The following DNAH10 variants were observed in gnomAD, a reference collection of about 807,000 sequenced individuals.
The protein encoded by DNAH10 is axonemal beta dynein heavy chain 10.
DNAH10 carries 348 observed loss-of-function variants against 506.6 expected under a neutral mutation model. The observed-to-expected ratio is 0.69, with a 90% CI of 0.63 to 0.75. DNAH10 has a LOEUF of 0.75. Among genes scored for constraint, DNAH10 ranks in the 30% least tolerant of loss-of-function variants. The pLI is 0.00. For missense variants in DNAH10, 5,179 were observed against 5,787.1 expected, an observed-to-expected ratio of 0.89 and a Z score of 3.41; for synonymous variants, 2,059 against 2,198.6, an observed-to-expected ratio of 0.94 and a Z score of 1.78.
rs539033541 is a variant in DNAH10 at position 123,870,678 on chromosome 12, T to C, written c.7639+193T>C. ...TGGCCGCTTTGGTATTTTTGTCAGCTGCTGGCTCTGAGCATCTTCCGTGGC... is the reference window on the plus strand; with the variant it reads ...TGGCCGCTTTGGTATTTTTGTCAGCCGCTGGCTCTGAGCATCTTCCGTGGC... On this transcript the variant is annotated intron_variant, in intron 44 of 78. Coordinates refer to ENST00000673944, the MANE Select transcript of DNAH10 (RefSeq NM_001372106.1). 2.6e-5 allele frequency among the ~76,000 whole-genome samples: 4 copies of C among 152,182 alleles called. No homozygotes were observed. In the South Asian group the frequency reaches 8.3e-4, roughly 32 times the overall value.
chr12:123,885,357 A>C (rs1180082139), intron 51 of DNAH10, among the ~76,000 whole-genome samples: 8 of 152,202 alleles, frequency 5.3e-5, no homozygotes, highest in Non-Finnish European at 1.5e-5. Flanking sequence ...TATTGTTTGG[A>C]TATGCCACAC....
Position 123,925,410 on chromosome 12 carries a change from T to C in DNAH10, c.11921+206T>C. The C allele has an allele frequency of 1.7e-6, 1 of 576,526 alleles. No individual in the cohort carries two copies. The allele number at this position is 576,526 out of a possible 1,614,324, so 35.7% of individuals were successfully genotyped here. A position where few individuals can be genotyped will look rare whatever the true frequency, so the allele number is the denominator to read the frequency against. ...CATAAGAAATTCAGTGTGAGCCACATATGCAGTTTCGAAAGTTCTAGTAGC... is the reference window on the plus strand; with the variant it reads ...CATAAGAAATTCAGTGTGAGCCACACATGCAGTTTCGAAAGTTCTAGTAGC... On this transcript the variant is annotated intron_variant, in intron 68 of 78. Transcript: ENST00000673944. This position sits in a 1 kb window ranked among gnomAD's most constrained non-coding sequence, Gnocchi z 4.0.
rs146867703 is a variant in DNAH10, at chr12:123,770,615, C to A, written c.299-986C>A. ...CCCTTACCCGTGCTGTCATTTAGTC[C>A]TCCAGAATTTGGCTGGTAGATGTTA... On this transcript the variant is annotated intron_variant, in intron 2 of 78. Transcript: ENST00000673944. 6.1e-4 allele frequency among the ~76,000 whole-genome samples: 93 copies of A among 151,842 alleles called. 1 individual carries two copies. The highest frequency in any genetic ancestry group is 2.1e-3 in the African/African-American group (87 of 41,410).
intron 30 of DNAH10, 99 bp downstream of exon 30, chr12:123,841,644 A>T: frequency 8.1e-7 from 1 of 1,235,264 alleles, no homozygotes; most frequent in Non-Finnish European, 1.1e-6. Context: ...ATTCCAAATG[A>T]GGTTTTGTTT....
chr12:123,831,408 G>A (rs1960529391), intron 26 of DNAH10, among the ~76,000 whole-genome samples: 1 of 152,138 alleles, frequency 6.6e-6, no homozygotes, highest in African/African-American at 2.4e-5. Context: ...TAATGGCAGG[G>A]ACACATTCTG....
intron 21 of DNAH10, among the ~76,000 whole-genome samples, chr12:123,816,827 A>G (rs1959160141): frequency 6.6e-6 from 1 of 152,212 alleles, no homozygotes; most frequent in Non-Finnish European, 1.5e-5. Flanking sequence ...TTGCTGGGTT[A>G]CAGGAATCCA....
chr12:123,775,296 A>G (rs541541458), intron 5 of DNAH10, among the ~76,000 whole-genome samples: 2 of 152,146 alleles, frequency 1.3e-5, no homozygotes, highest in East Asian at 3.9e-4. Context: ...TATTGTAGAG[A>G]CAGGGTCTCA....
chr12:123,879,283 A>C lies in DNAH10; in HGVS notation c.8392A>C (p.Met2798Leu). The C allele has an allele frequency of 6.3e-7, 1 of 1,578,120 alleles. No homozygotes were observed. The highest frequency in any genetic ancestry group is 8.6e-7 in the Non-Finnish European group (1 of 1,161,308). The change falls in exon 49 of 79, where the codon ATG becomes CTG. Residue 2798 changes from methionine (M) to leucine (L), a missense_variant. By Grantham distance (15) the Met-to-Leu change is conservative. Transcript: ENST00000673944. ...CTGCAGATTCCAGACGGTGGCCCAG[A>C]TGGTGAGAGTCTGGAGGAATGAGTG... ...NPERFQTVAQ[M>L]VRVWRNECLR... is the part of the protein sequence containing the mutation.
intron 29 of DNAH10, among the ~76,000 whole-genome samples, chr12:123,840,516 C>T (rs542835991): frequency 1.3e-5 from 2 of 151,172 alleles, no homozygotes; most frequent in South Asian, 2.1e-4. Flanking sequence ...GCAATCCACC[C>T]GCCTCAGCCT....
chr12:123,846,243 A>G lies in DNAH10; in HGVS notation c.5814+89A>G, dbSNP rs1950946961. ...TGAGGTGTGATGACTGCAGTGATTG[A>G]AATAGCAGGGGAGATCATTGCTTTG... On this transcript the variant is annotated intron_variant, in intron 32 of 78. Transcript: ENST00000673944. This position sits in a 1 kb window ranked among gnomAD's most constrained non-coding sequence, Gnocchi z 4.5. 5 of 1,416,856 alleles carry G rather than the reference A, an allele frequency of 3.5e-6. No homozygotes were observed. The highest frequency in any genetic ancestry group is 4.7e-6 in the Non-Finnish European group (5 of 1,056,386). 87.8% of individuals were successfully genotyped at this position (1,416,856 alleles called of 1,614,324 possible).
rs565409210 is a variant in DNAH10, at chr12:123,884,170, G to A, written c.8823+2357G>A. 3.3e-4 allele frequency among the ~76,000 whole-genome samples: 50 copies of A among 152,316 alleles called. No individual in the cohort carries two copies. In the Middle Eastern group the frequency reaches 0.01, roughly 31 times the overall value. The stretch of plus-strand genomic sequence containing the variant: ...CTGCCTCAGCCTCCTGAGTAGCTGG[G>A]ATTACAGGCATGTGCCACCACGCCC... On this transcript the variant is annotated intron_variant, in intron 51 of 78. Transcript: ENST00000673944.
Position 123,841,334 on chromosome 12 carries a change from A to G in DNAH10, c.5149A>G (p.Ile1717Val), listed in dbSNP as rs769599839. 16 of 1,614,012 alleles carry G rather than the reference A, an allele frequency of 9.9e-6. No individual in the cohort carries two copies. Among genetic ancestry groups the G allele is most frequent in the South Asian group, 9.9e-5 (9 of 91,082 alleles). Residue 1717 changes from isoleucine (I) to valine (V), a missense_variant, in exon 30 of 79, where the codon ATA (isoleucine) becomes GTA (valine). By Grantham distance (29) the Ile-to-Val change is conservative (BLOSUM62 3). Coordinates refer to ENST00000673944, the MANE Select transcript of DNAH10 (RefSeq NM_001372106.1). ...QEHMIKMYDN[I>V]ASLRFNDGDS... The stretch of plus-strand genomic sequence containing the variant: ...TCCCTGTTTGCAGATGTACGACAAC[A>G]TAGCATCACTGAGGTTTAATGACGG...
rs1449530904 is a variant in DNAH10 at position 123,813,362 on chromosome 12, C to T, written c.3343C>T (p.Arg1115Ter). 5.0e-6 allele frequency: 8 copies of T among 1,614,254 alleles called. 1 individual carries two copies. The highest frequency in any genetic ancestry group is 3.3e-5 in the South Asian group (3 of 91,088). Residue 1115 changes from arginine (R) to a stop codon, truncating the protein, a stop_gained, in exon 20 of 79, where the codon CGA becomes TGA. Coordinates refer to ENST00000673944, the MANE Select transcript of DNAH10 (RefSeq NM_001372106.1). LOFTEE classifies it high-confidence loss of function. ...GTATCTACAAAAATGGAAGCGGTATCGACCTCTCTGGAAATTGGACAAAGC... is the reference window on the plus strand; with the variant it reads ...GTATCTACAAAAATGGAAGCGGTATTGACCTCTCTGGAAATTGGACAAAGC... ...MKYLQKWKRYRPLWKLDKAIV... is the reference protein window; with the variant it reads ...MKYLQKWKRY
At chr12:123,929,221 C>G in intron 70 of DNAH10, 54 bp from the exon 71 acceptor site, 1 of 1,532,476 alleles carries the variant, frequency 6.5e-7, no homozygotes, top group South Asian at 1.2e-5. Flanking sequence ...GCACACTCTT[C>G]CAAGCTTGTG....
rs1210985544 is a variant in DNAH10, at chr12:123,903,630, C to T, written c.9815+517C>T. On this transcript the variant is annotated intron_variant, in intron 57 of 78. Transcript: ENST00000673944. This position sits in a 1 kb window ranked among gnomAD's most constrained non-coding sequence, Gnocchi z 4.6. Reference sequence around the variant, plus strand: ...AAATCAATCTGTAAGATGACCCTGTCCCCCACACCAGAGGGCTCATCTGCT... The same window carrying T: ...AAATCAATCTGTAAGATGACCCTGTTCCCCACACCAGAGGGCTCATCTGCT... Among the ~76,000 whole-genome samples the T allele has an allele frequency of 3.3e-5, 5 of 152,326 alleles. No homozygotes were observed. The highest frequency in any genetic ancestry group is 5.9e-5 in the Non-Finnish European group (4 of 68,016).
intron 65 of DNAH10, among the ~76,000 whole-genome samples, chr12:123,922,244 G>A (rs186125953): frequency 6.6e-6 from 1 of 150,818 alleles, no homozygotes; most frequent in Non-Finnish European, 1.5e-5. Flanking sequence ...GTGTTGGCAG[G>A]CACCTGTAGT....
chr12:123,852,829 G>A (rs749427635), intron 35 of DNAH10, among the ~76,000 whole-genome samples: 7 of 152,114 alleles, frequency 4.6e-5, no homozygotes, highest in South Asian at 2.1e-4. Flanking sequence ...CCACCTTGGC[G>A]TCCCAAAGTG....
chr12:123,914,602 G>T (rs1954382002), intron 61 of DNAH10, 52 bp downstream of exon 61: 5 of 1,556,372 alleles, frequency 3.2e-6, no homozygotes, highest in Admixed American at 1.8e-5. Context: ...AGCACAGGGG[G>T]TCTACGTGGG....
rs920008588 is a variant in DNAH10, at chr12:123,762,910, G to C, written c.214+360G>C. Among the ~76,000 whole-genome samples, 1 of 152,156 alleles carries C rather than the reference G, an allele frequency of 6.6e-6. No individual in the cohort carries two copies. The highest frequency in any genetic ancestry group is 1.5e-5 in the Non-Finnish European group (1 of 68,030). On this transcript the variant is annotated intron_variant, in intron 1 of 78. Transcript: ENST00000673944. The surrounding 1 kb of genome is among the most constrained non-coding windows in gnomAD (Gnocchi z 5.0). Reference sequence around the variant, plus strand: ...ACAGATGAGCAAACTGGCACGGAGGGGGTTAAGTAACCTGCCCAAGGCCCA... The same window carrying C: ...ACAGATGAGCAAACTGGCACGGAGGCGGTTAAGTAACCTGCCCAAGGCCCA...
Sources: allele counts gnomAD v4.1 joint callset (sites outside exome capture counted in the v4.1 genomes callset), GRCh38; gene constraint gnomAD v4.1.1; non-coding constraint Gnocchi (gnomAD v3.1); transcripts MANE v1.5; gene names NCBI Gene and HGNC (gene_info 2026-07-23, HGNC 2026-07-21).